The following DSCAM variants were observed in gnomAD, a reference collection of about 807,000 sequenced individuals.
DSCAM encodes DS cell adhesion molecule.
Under a neutral mutation model 217.7 loss-of-function variants are expected in DSCAM, and 47 were observed. The ratio of observed to expected loss-of-function variants is 0.22; its 90% CI spans 0.17 to 0.28. The LOEUF is 0.28. DSCAM is among the 10% of genes least tolerant of loss of function. The probability of loss-of-function intolerance (pLI) is 1.00; values close to 1 mark genes in which losing one functional copy is unlikely to be tolerated. For synonymous variants in DSCAM, 1,056 were observed against 1,015.3 expected (o/e 1.04, Z -0.76); for missense variants, 2,080 against 2,618.3 (o/e 0.79, Z 4.49).
chr21:40,220,306 A>G (rs1035769182), intron 11 of DSCAM, among the ~76,000 whole-genome samples: 5 of 152,216 alleles, frequency 3.3e-5, no homozygotes, highest in Admixed American at 1.3e-4. Context: ...AGCCAAGTCA[A>G]GCATTAGAAG....
intron 1 of DSCAM, among the ~76,000 whole-genome samples, chr21:40,804,325 T>C (rs2091767972): frequency 6.6e-6 from 1 of 152,198 alleles, no homozygotes; most frequent in South Asian, 2.1e-4. Flanking sequence ...AAATGCACGC[T>C]CTGCAGGATG....
At chr21:40,637,422 T>A (rs368873447) in intron 3 of DSCAM, among the ~76,000 whole-genome samples, 10 of 852 alleles carry the variant, frequency 0.012, 2 homozygotes, top group East Asian at 0.077. Context: ...AATATATATA[T>A]AAATATATAA....
intron 1 of DSCAM, among the ~76,000 whole-genome samples, chr21:40,810,673 G>C (rs1221930970): frequency 6.6e-6 from 1 of 152,190 alleles, no homozygotes; most frequent in East Asian, 1.9e-4. Context: ...GGCTAAGGCA[G>C]GAAGATTGCT....
At chr21:40,481,139 A>C (rs1016408770) in intron 3 of DSCAM, among the ~76,000 whole-genome samples, 2 of 152,046 alleles carry the variant, frequency 1.3e-5, no homozygotes, top group Non-Finnish European at 2.9e-5. Context: ...AAAACTATTA[A>C]ATTCATTTTT....
chr21:40,810,594 C>G (rs1336162711), intron 1 of DSCAM, among the ~76,000 whole-genome samples: 1 of 152,154 alleles, frequency 6.6e-6, no homozygotes, highest in Admixed American at 6.5e-5. Flanking sequence ...GCTTGTCCAG[C>G]TGAGGTAATA....
At chr21:40,476,322 C>CT (rs1031727208) in intron 3 of DSCAM, among the ~76,000 whole-genome samples, 2 of 152,182 alleles carry the variant, frequency 1.3e-5, no homozygotes, top group African/African-American at 4.8e-5. Flanking sequence ...CGACTTGGAC[C>CT]ATTTCTTAAC....
chr21:40,560,098 T>C (rs991551237), intron 3 of DSCAM, among the ~76,000 whole-genome samples: 3 of 152,188 alleles, frequency 2.0e-5, no homozygotes, highest in African/African-American at 7.2e-5. Flanking sequence ...TGGCCAATTT[T>C]CTGTCTTTTG....
chr21:40,422,656 A>C (rs964301292), intron 3 of DSCAM, among the ~76,000 whole-genome samples: 1 of 152,186 alleles, frequency 6.6e-6, no homozygotes, highest in Admixed American at 6.5e-5. Context: ...ACAACAACAA[A>C]AAAGTTGACA....
At chr21:40,552,970 T>G (rs942241182) in intron 3 of DSCAM, among the ~76,000 whole-genome samples, 2 of 152,224 alleles carry the variant, frequency 1.3e-5, no homozygotes, top group African/African-American at 4.8e-5. Flanking sequence ...TTTCTAATTT[T>G]TTTAAGACTA....
chr21:40,825,595 G>T (rs2091962963), intron 1 of DSCAM, among the ~76,000 whole-genome samples: 1 of 152,106 alleles, frequency 6.6e-6, no homozygotes, highest in Admixed American at 6.5e-5. Flanking sequence ...TGGGTTACAG[G>T]CATGAGCCAC....
At chr21:40,402,091 G>A (rs1201524469) in intron 3 of DSCAM, among the ~76,000 whole-genome samples, 8 of 104,348 alleles carry the variant, frequency 7.7e-5, no homozygotes, top group African/African-American at 1.1e-4. Flanking sequence ...ACAGAGTCTC[G>A]CTCTGTCGCC....
intron 5 of DSCAM, among the ~76,000 whole-genome samples, chr21:40,348,247 C>T (rs113152943): frequency 2.9e-4 from 32 of 109,188 alleles, no homozygotes; most frequent in South Asian, 6.3e-4. Context: ...GCAATCATAC[C>T]CCATACGGTT....
chr21:40,021,031 T>G (rs1601233704), intron 32 of DSCAM, among the ~76,000 whole-genome samples: 2 of 147,124 alleles, frequency 1.4e-5, no homozygotes, highest in African/African-American at 2.5e-5. Context: ...CATACCAGGG[T>G]CAGGGGAGGC....
chr21:40,737,746 A>G (rs1031243308), intron 1 of DSCAM, among the ~76,000 whole-genome samples: 1 of 152,312 alleles, frequency 6.6e-6, no homozygotes, highest in African/African-American at 2.4e-5. Context: ...CCGCAGGCAG[A>G]AAGAGCATCT....
chr21:40,214,361 G>C (rs1301677385), intron 11 of DSCAM, among the ~76,000 whole-genome samples: 1 of 152,196 alleles, frequency 6.6e-6, no homozygotes, highest in African/African-American at 2.4e-5. Context: ...TGTGCATCTG[G>C]TATATTTTGG....
In DSCAM at chr21:40,433,972, T is replaced by C. The variant is rs148794237; in HGVS notation, c.509-64727A>G. Reference sequence around the variant, plus strand: ...GTTGGGCGATGTCACCTGAGGCAGCTGGAGTCCACACCACATGGTTTCACC... The same window carrying C: ...GTTGGGCGATGTCACCTGAGGCAGCCGGAGTCCACACCACATGGTTTCACC... On this transcript the variant is annotated intron_variant, in intron 3 of 32. Transcript: ENST00000400454. Among the ~76,000 whole-genome samples the C allele has an allele frequency of 8.9e-3, 1,361 of 152,358 alleles. 14 individuals carry two copies. The highest frequency in any genetic ancestry group is 0.031 in the African/African-American group (1,275 of 41,584).
chr21:40,242,928 C>T (rs1311824591), intron 11 of DSCAM, among the ~76,000 whole-genome samples: 1 of 152,206 alleles, frequency 6.6e-6, no homozygotes, highest in African/African-American at 2.4e-5. Context: ...GCTCTTCCAG[C>T]CACGACCAGG....
At position 40,013,153 on chromosome 21, in the gene DSCAM, G is replaced by T; in HGVS notation, c.5920C>A (p.Arg1974=). ...GCCTGTCCCAGCTCTGCTCCCTCCCGCTGAGGTAATGTGGCCACGGCCCCC... is the reference window on the plus strand; with the variant it reads ...GCCTGTCCCAGCTCTGCTCCCTCCCTCTGAGGTAATGTGGCCACGGCCCCC... The part of the protein sequence containing the change: ...QPGAVATLPQ[R]EGAELGQAAK... The change falls in exon 33 of 33, where the codon CGG becomes AGG. Residue 1974 remains arginine, a synonymous_variant. Transcript: ENST00000400454. 2 of 1,613,354 alleles carry T rather than the reference G, an allele frequency of 1.2e-6. No homozygotes were observed. Among genetic ancestry groups the T allele is most frequent in the Non-Finnish European group, 1.7e-6 (2 of 1,179,648 alleles).
intron 3 of DSCAM, among the ~76,000 whole-genome samples, chr21:40,552,294 A>G (rs10211888): frequency 0.55 from 84,174 of 151,838 alleles, 23,857 homozygotes; most frequent in East Asian, 0.62. Flanking sequence ...AGCTTGGGCA[A>G]CAGAGTGACA....
Sources: gnomAD v4.1 joint callset for allele counts (sites outside exome capture counted in the v4.1 genomes callset) on GRCh38, gnomAD v4.1.1 for gene constraint, MANE v1.5 for transcripts, NCBI Gene and HGNC (gene_info 2026-07-23, HGNC 2026-07-21) for gene names.